The following NEK10 variants were observed in gnomAD, a reference collection of about 807,000 sequenced individuals.
The protein encoded by NEK10 is NIMA related kinase 10.
Under a neutral mutation model 159.8 loss-of-function variants are expected in NEK10, and 122 were observed. The observed-to-expected ratio is 0.76, with a 90% CI of 0.66 to 0.89. NEK10 has a LOEUF of 0.89. Among genes scored for constraint, NEK10 ranks in the 40% least tolerant of loss-of-function variants. NEK10 has a pLI of 0.00. For missense variants in NEK10, 1,342 were observed against 1,323.1 expected, an observed-to-expected ratio of 1.01 and a Z score of -0.22; for synonymous variants, 466 against 457.1, an observed-to-expected ratio of 1.02 and a Z score of -0.25.
rs1235243626 is a variant in NEK10, at chr3:27,130,888, C to T, written c.3081+992G>A. On this transcript the variant is annotated intron_variant, in intron 32 of 35. Transcript: ENST00000691995. ...AACACAACCCAGGAAAGAAACCTTG[C>T]TCTCTAATCTCTGATGGAGCAGGCT... Among the ~76,000 whole-genome samples the T allele has an allele frequency of 2.0e-5, 3 of 152,308 alleles. No individual in the cohort carries two copies. The South Asian group carries it at 6.2e-4, about 32-fold the overall frequency.
chr3:27,239,469 G>A (rs148331093), intron 23 of NEK10, among the ~76,000 whole-genome samples: 2 of 152,048 alleles, frequency 1.3e-5, no homozygotes, highest in Non-Finnish European at 2.9e-5. Context: ...TCTGTGGAAG[G>A]GGGAGGAGAA....
At chr3:27,162,649 A>C in intron 30 of NEK10, 52 bp downstream of exon 30, 1 of 1,614,104 alleles carries the variant, frequency 6.2e-7, no homozygotes, top group Non-Finnish European at 8.5e-7. Context: ...CATAAATTAC[A>C]TTGAATTTTA....
chr3:27,166,679 G>T (rs547130843), intron 29 of NEK10, among the ~76,000 whole-genome samples: 1 of 152,264 alleles, frequency 6.6e-6, no homozygotes, highest in South Asian at 2.1e-4. Context: ...ACTTAGAAAG[G>T]CCTGGCACGG....
At chr3:27,365,759 C>T (rs117615443) in intron 1 of NEK10, among the ~76,000 whole-genome samples, 23 of 151,686 alleles carry the variant, frequency 1.5e-4, no homozygotes, top group Middle Eastern at 3.4e-3. Flanking sequence ...ATTACCAGCA[C>T]GCGTCACCAC....
At chr3:27,143,666 T>A (rs527246411) in intron 30 of NEK10, among the ~76,000 whole-genome samples, 23 of 152,202 alleles carry the variant, frequency 1.5e-4, no homozygotes, top group Non-Finnish European at 3.2e-4. Flanking sequence ...AATATTTAAT[T>A]ACGCATGCCC....
At chr3:27,183,553 T>G (rs952322240) in intron 26 of NEK10, among the ~76,000 whole-genome samples, 51 of 151,984 alleles carry the variant, frequency 3.4e-4, no homozygotes, top group Non-Finnish European at 1.5e-5. Flanking sequence ...CAAAAAACAC[T>G]GACCACCACA....
intron 22 of NEK10, among the ~76,000 whole-genome samples, chr3:27,263,183 G>C (rs1460628527): frequency 1.3e-5 from 2 of 152,200 alleles, no homozygotes; most frequent in Non-Finnish European, 2.9e-5. Flanking sequence ...TGGAAGTTTT[G>C]TCTCAGAGGA....
chr3:27,333,067 T>C (rs2046539802), intron 5 of NEK10, among the ~76,000 whole-genome samples: 1 of 152,068 alleles, frequency 6.6e-6, no homozygotes, highest in East Asian at 1.9e-4. Context: ...GAGAGAATAC[T>C]GGAATTCAGT....
intron 23 of NEK10, among the ~76,000 whole-genome samples, chr3:27,235,469 T>A (rs1463120416): frequency 1.3e-5 from 2 of 152,156 alleles, no homozygotes; most frequent in East Asian, 3.9e-4. Context: ...GAACAAACAC[T>A]TTTCAGAAGA....
At chr3:27,317,815 T>C (rs1386756424) in intron 6 of NEK10, among the ~76,000 whole-genome samples, 1 of 152,088 alleles carries the variant, frequency 6.6e-6, no homozygotes, top group Non-Finnish European at 1.5e-5. Flanking sequence ...TTTATTTATT[T>C]ATTTTGAGAC....
chr3:27,191,169 C>G (rs1180755071), intron 26 of NEK10, among the ~76,000 whole-genome samples: 1 of 152,040 alleles, frequency 6.6e-6, no homozygotes, highest in Non-Finnish European at 1.5e-5. Context: ...TCTTTGAGAC[C>G]AACTTCATAC....
At chr3:27,248,817 T>C (rs1027090944) in intron 23 of NEK10, among the ~76,000 whole-genome samples, 1 of 152,176 alleles carries the variant, frequency 6.6e-6, no homozygotes, top group African/African-American at 2.4e-5. Flanking sequence ...CTGAGAAGAA[T>C]GTATATTCTG....
intron 31 of NEK10, among the ~76,000 whole-genome samples, chr3:27,134,415 T>G (rs1302947580): frequency 6.6e-6 from 1 of 152,188 alleles, no homozygotes. Context: ...CCCAGCTGAC[T>G]GCAAGGGGCT....
intron 25 of NEK10, among the ~76,000 whole-genome samples, chr3:27,196,954 G>A (rs1034933950): frequency 3.9e-5 from 6 of 152,054 alleles, no homozygotes; most frequent in Non-Finnish European, 8.8e-5. Context: ...ATGATTTAAA[G>A]ACAGGTTCGT....
chr3:27,153,341 T>C (rs1221205732), intron 30 of NEK10, among the ~76,000 whole-genome samples: 1 of 141,386 alleles, frequency 7.1e-6, no homozygotes, highest in South Asian at 2.3e-4. Context: ...AAAAAAGAAA[T>C]GAGACAGACA....
At chr3:27,364,593 G>C (rs1220169752) in intron 1 of NEK10, among the ~76,000 whole-genome samples, 3 of 152,110 alleles carry the variant, frequency 2.0e-5, no homozygotes, top group African/African-American at 7.2e-5. Flanking sequence ...AAATACTAGA[G>C]ATAAAATTAA....
In NEK10 at chr3:27,230,517, C is replaced by G. The variant is rs1251617423; in HGVS notation, c.2090+25779G>C. Among the ~76,000 whole-genome samples, 4 of 151,932 alleles carry G rather than the reference C, an allele frequency of 2.6e-5. No homozygotes were observed. The East Asian group carries it at 7.7e-4, about 29-fold the overall frequency. ...TGATGAATAGAATAGTACCTCACAT[C>G]TCAGTATTAACAATGAACGTAAATG... On this transcript the variant is annotated intron_variant, in intron 23 of 35. Transcript: ENST00000691995.
intron 1 of NEK10, among the ~76,000 whole-genome samples, chr3:27,365,358 C>T (rs2048980167): frequency 6.6e-6 from 1 of 152,014 alleles, no homozygotes; most frequent in African/African-American, 2.4e-5. Flanking sequence ...TTTGATTCTG[C>T]TGACTGCTTT....
chr3:27,283,131 T>C (rs1483903841), intron 22 of NEK10, among the ~76,000 whole-genome samples: 2 of 152,152 alleles, frequency 1.3e-5, no homozygotes, highest in South Asian at 2.1e-4. Flanking sequence ...GTAAATCTTA[T>C]CATCATTCCT....
Sources: allele counts gnomAD v4.1 joint callset (sites outside exome capture counted in the v4.1 genomes callset), GRCh38; gene constraint gnomAD v4.1.1; transcripts MANE v1.5; gene names NCBI Gene and HGNC (gene_info 2026-07-23, HGNC 2026-07-21).